SYT3: variants seen among roughly 807,000 people sequenced by gnomAD.
SYT3 encodes synaptotagmin 3, also known as synaptotagmin-3.
SYT3 carries 25 observed loss-of-function variants against 50.6 expected under a neutral mutation model. That is an observed-to-expected ratio of 0.49 (90% CI 0.36 to 0.69). SYT3 has a LOEUF of 0.69. Ranked by LOEUF, SYT3 falls within the 30% of genes least tolerant of loss-of-function variation. The pLI is 0.00. For missense variants in SYT3, 589 were observed against 793.6 expected (o/e 0.74, Z 3.10); for synonymous variants, 323 against 353.9 (o/e 0.91, Z 0.98).
At chr19:50,628,986 G>A (rs534492303) in intron 6 of SYT3, among the ~76,000 whole-genome samples, 1 of 152,094 alleles carries the variant, frequency 6.6e-6, no homozygotes, top group South Asian at 2.1e-4. Context: ...ACCATGCCCG[G>A]CTAATTTTTG....
rs921638268 is a variant in SYT3 at position 50,622,175 on chromosome 19, GAGAC to G, written c.*306_*309del. On this transcript the variant is annotated 3_prime_UTR_variant, in exon 11 of 11. Coordinates refer to ENST00000600079, the MANE Select transcript of SYT3 (RefSeq NM_001160329.2). Reference sequence around the variant, plus strand: ...CACTGAGTCTTGGACAAACAGCAAAGAGACAGAGACAGACAGAGGGTTTTGGGGG... The same window carrying G: ...CACTGAGTCTTGGACAAACAGCAAAGAGAGACAGACAGAGGGTTTTGGGGG... 3 of 139,728 alleles carry G rather than the reference GAGAC, an allele frequency of 2.1e-5. No homozygotes were observed. Among genetic ancestry groups the G allele is most frequent in the African/African-American group, 8.3e-5 (3 of 36,252 alleles). The allele number at this position is 139,728 out of a possible 1,614,324, so 8.7% of individuals were successfully genotyped here. A position where few individuals can be genotyped will look rare whatever the true frequency, so the allele number is the denominator to read the frequency against.
intron 6 of SYT3, among the ~76,000 whole-genome samples, chr19:50,626,503 AG>A (rs374018508): frequency 1.9e-3 from 40 of 20,752 alleles, no homozygotes; most frequent in South Asian, 2.8e-3. Flanking sequence ...CCAGAGAGAG[AG>A]GGGGGGGGAC....
In SYT3 at chr19:50,637,381, G is replaced by A. The variant is rs140892148; in HGVS notation, c.31C>T (p.Arg11Trp). 10 of 1,608,564 alleles carry A rather than the reference G, an allele frequency of 6.2e-6. No homozygotes were observed. The highest frequency in any genetic ancestry group is 5.3e-5 in the African/African-American group (4 of 74,854). Reference protein sequence around the residue: MSGDYEDDLCRRALILVSDLC... With the variant: MSGDYEDDLCWRALILVSDLC... The stretch of plus-strand genomic sequence containing the variant: ...TCCGAGACCAGGATGAGTGCCCGCC[G>A]GCAGAGGTCATCCTCGTAGTCTCCT... Residue 11 changes from arginine to tryptophan, a missense_variant, in exon 3 of 11, where the codon CGG (arginine) becomes TGG (tryptophan). Physicochemically the swap from Arg to Trp is moderately radical, Grantham distance 101 (BLOSUM62 -3). Coordinates refer to ENST00000600079, the MANE Select transcript of SYT3 (RefSeq NM_001160329.2). The surrounding 1 kb of genome is among the most constrained non-coding windows in gnomAD (Gnocchi z 4.9).
the SYT3 span, chr19:50,656,362 C>T: frequency 1.3e-6 from 2 of 1,527,784 alleles, no homozygotes; most frequent in South Asian, 1.2e-5. Context: ...TGGACCTGTG[C>T]CCTTATTTTC....
the SYT3 span, chr19:50,658,062 G>A: frequency 3.3e-6 from 5 of 1,535,948 alleles, no homozygotes; most frequent in African/African-American, 6.8e-5. Flanking sequence ...ATGGAGAGCG[G>A]GCGCGTGAGC....
intron 9 of SYT3, among the ~76,000 whole-genome samples, chr19:50,623,547 G>T (rs1393912061): frequency 1.1e-5 from 1 of 91,796 alleles, no homozygotes; most frequent in Admixed American, 1.2e-4. Flanking sequence ...GGAGCCCAAG[G>T]TGGGTGGATC....
the SYT3 span, among the ~76,000 whole-genome samples, chr19:50,652,227 T>C: frequency 2.0e-5 from 3 of 152,224 alleles, no homozygotes; most frequent in African/African-American, 4.8e-5. Context: ...TATTTTTTTA[T>C]AGTTGGCTTG....
At chr19:50,658,093 G>T in the SYT3 span, 7 of 1,535,884 alleles carry the variant, frequency 4.6e-6, no homozygotes, top group Middle Eastern at 1.7e-4. Flanking sequence ...TTGAGAACAT[G>T]AACGTCATCT....
In SYT3 at chr19:50,634,641, T is replaced by A. The variant is rs138932271; in HGVS notation, c.149-1830A>T. ...CTCTATCATCCAGGCTGGAGTGCAG[T>A]GGCATGATCTCGGTTCACTGAAGCC... On this transcript the variant is annotated intron_variant, in intron 3 of 10. Coordinates refer to ENST00000600079, the MANE Select transcript of SYT3 (RefSeq NM_001160329.2). 6.1e-3 allele frequency among the ~76,000 whole-genome samples: 858 copies of A among 141,532 alleles called. 10 individuals are homozygous for A. Among genetic ancestry groups the A allele is most frequent in the African/African-American group, 0.021 (803 of 38,692 alleles). 92.9% of individuals were successfully genotyped at this position (141,532 alleles called of 152,430 possible). A position where few individuals can be genotyped will look rare whatever the true frequency, so the allele number is the denominator to read the frequency against.
rs1983865886 is a variant in SYT3 at position 50,621,978 on chromosome 19, T to C, written c.*507A>G. ...TCTCAGAGAGGACAGGAGGCCCAGT[T>C]GGAGTGAGACCCACAGAGTGTGTTT... On this transcript the variant is annotated 3_prime_UTR_variant, in exon 11 of 11. Transcript: ENST00000600079. The C allele has an allele frequency of 7.1e-6, 1 of 141,242 alleles. No homozygotes were observed. Among genetic ancestry groups the C allele is most frequent in the Non-Finnish European group, 1.5e-5 (1 of 66,100 alleles). The allele number at this position is 141,242 out of a possible 1,614,324, so 8.7% of individuals were successfully genotyped here. A position where few individuals can be genotyped will look rare whatever the true frequency, so the allele number is the denominator to read the frequency against.
At chr19:50,645,874 A>C in the SYT3 span, among the ~76,000 whole-genome samples, 1 of 151,678 alleles carries the variant, frequency 6.6e-6, no homozygotes, top group East Asian at 1.9e-4. Flanking sequence ...TCTCAAAAAA[A>C]CCCCCCACGA....
chr19:50,653,682 GCACACACACACACACACA>G, the SYT3 span, among the ~76,000 whole-genome samples: 449 of 121,916 alleles, frequency 3.7e-3, 5 homozygotes, highest in African/African-American at 1.0e-2. Context: ...ATGAGAGACA[GCACACACACACACACACA>G]CACACACACA....
At chr19:50,629,557 C>A (rs372589510) in intron 5 of SYT3, 45 bp from the exon 6 acceptor site, 1 of 1,559,204 alleles carries the variant, frequency 6.4e-7, no homozygotes, top group African/African-American at 1.4e-5. Context: ...GCCCATAAGC[C>A]CCTCCTCCAC....
At chr19:50,627,494 G>A (rs1319778971) in intron 6 of SYT3, among the ~76,000 whole-genome samples, 1 of 152,234 alleles carries the variant, frequency 6.6e-6, no homozygotes, top group East Asian at 1.9e-4. Context: ...GCTGAGGTGG[G>A]CGGTTAACCT....
intron 6 of SYT3, 134 bp downstream of exon 6, chr19:50,629,160 C>T (rs1192034977): frequency 4.1e-6 from 3 of 735,296 alleles, no homozygotes; most frequent in Non-Finnish European, 4.3e-6. Flanking sequence ...CAGTCTTCCC[C>T]AGTGTGATAC....
chr19:50,632,406 G>A lies in SYT3; in HGVS notation c.554C>T (p.Ser185Phe), dbSNP rs1164004794. The change falls in exon 4 of 11, where the codon TCC becomes TTC. Residue 185 changes from serine to phenylalanine, a missense_variant. This residue lies in a region of SYT3 where 316 missense variants were observed against 354.3 expected (regional missense o/e 0.89). Coordinates refer to ENST00000600079, the MANE Select transcript of SYT3 (RefSeq NM_001160329.2). The surrounding 1 kb of genome is among the most constrained non-coding windows in gnomAD (Gnocchi z 4.7). ...VAAGVKPSQT[S>F]PELPSEGGAG... The stretch of plus-strand genomic sequence containing the variant: ...TCCCCCCTCAGAGGGCAGCTCAGGG[G>A]ATGTTTGGCTCGGTTTGACCCCAGC... The A allele has an allele frequency of 1.2e-6, 2 of 1,613,810 alleles. No individual in the cohort carries two copies. Among genetic ancestry groups the A allele is most frequent in the East Asian group, 4.5e-5 (2 of 44,872 alleles).
At position 50,629,778 on chromosome 19, in the gene SYT3, C is replaced by T. The variant is rs1984223937; in HGVS notation, c.1062+6G>A. ...GGAACCCGGTGTCCAGCCCGCTGCT[C>T]CGGACCTTGGTCTGAAACTTTTTCT... is the stretch of plus-strand genomic sequence containing the variant. On this transcript the variant is annotated splice_donor_region_variant and intron_variant, in intron 5 of 10. Coordinates refer to ENST00000600079, the MANE Select transcript of SYT3 (RefSeq NM_001160329.2). The T allele has an allele frequency of 1.2e-6, 2 of 1,609,866 alleles. No individual in the cohort carries two copies. Among genetic ancestry groups the T allele is most frequent in the Non-Finnish European group, 1.7e-6 (2 of 1,177,638 alleles).
intron 2 of SYT3, among the ~76,000 whole-genome samples, chr19:50,638,210 G>C (rs938462422): frequency 3.9e-5 from 6 of 152,138 alleles, no homozygotes; most frequent in Non-Finnish European, 7.4e-5. Flanking sequence ...AGCCACAGGC[G>C]GGGGGCAGTG....
At chr19:50,656,304 A>G in the SYT3 span, 3 of 1,536,130 alleles carry the variant, frequency 2.0e-6, no homozygotes, top group Non-Finnish European at 2.6e-6. Context: ...AGTTCCCCAC[A>G]CCACCAGCTT....
Sources: gnomAD v4.1 joint callset for allele counts (sites outside exome capture counted in the v4.1 genomes callset) on GRCh38, gnomAD v4.1.1 for gene constraint, gnomAD v4.1.1 regional missense constraint, Gnocchi (gnomAD v3.1) non-coding constraint, MANE v1.5 for transcripts, NCBI Gene and HGNC (gene_info 2026-07-23, HGNC 2026-07-21) for gene names.